Variants in DCT observed in about 807,000 individuals in gnomAD.
DCT encodes L-dopachrome tautomerase.
DCT carries 47 observed loss-of-function variants against 53.0 expected under a neutral mutation model. The ratio of observed to expected loss-of-function variants is 0.89; its 90% CI spans 0.70 to 1.13. The LOEUF (loss-of-function observed/expected upper bound fraction) is 1.13. Ranked by LOEUF, DCT falls within the 50% of genes most tolerant of loss-of-function variation. The pLI, the probability that DCT is intolerant of heterozygous loss-of-function variation, is 0.00. For missense variants in DCT, 669 were observed against 637.4 expected, an observed-to-expected ratio of 1.05 and a Z score of -0.53; for synonymous variants, 244 against 237.0, an observed-to-expected ratio of 1.03 and a Z score of -0.27.
the DCT span, among the ~76,000 whole-genome samples, chr13:94,518,479 C>T: frequency 6.6e-6 from 1 of 152,228 alleles, no homozygotes; most frequent in Non-Finnish European, 1.5e-5. Flanking sequence ...GGCCCTAATA[C>T]TGTCCAGTTA....
chr13:94,516,725 C>A, the DCT span, among the ~76,000 whole-genome samples: 1 of 152,112 alleles, frequency 6.6e-6, no homozygotes, highest in African/African-American at 2.4e-5. Context: ...AGTCCACCCC[C>A]CCTCACCATG....
At chr13:94,491,088 G>T in the DCT span, among the ~76,000 whole-genome samples, 1 of 152,126 alleles carries the variant, frequency 6.6e-6, no homozygotes, top group African/African-American at 2.4e-5. Context: ...CAGTGAACAA[G>T]AAAAGTCAGG....
chr13:94,450,439 C>T (rs762713496), intron 6 of DCT, among the ~76,000 whole-genome samples: 2 of 152,140 alleles, frequency 1.3e-5, no homozygotes, highest in Admixed American at 6.5e-5. Flanking sequence ...GCAGGCAAAA[C>T]AGAGAGTATT....
chr13:94,488,329 T>A, the DCT span, among the ~76,000 whole-genome samples: 1 of 151,992 alleles, frequency 6.6e-6, no homozygotes, highest in Non-Finnish European at 1.5e-5. Context: ...GCTGAAAAAA[T>A]ATATATATTT....
the DCT span, among the ~76,000 whole-genome samples, chr13:94,494,050 A>G: frequency 0.043 from 6,523 of 152,334 alleles, 182 homozygotes; most frequent in South Asian, 0.1. Context: ...GCCAAAAGCT[A>G]TAAAATTAGG....
At chr13:94,471,861 G>A (rs1246493705) in intron 1 of DCT, among the ~76,000 whole-genome samples, 6 of 152,186 alleles carry the variant, frequency 3.9e-5, no homozygotes, top group African/African-American at 1.2e-4. Flanking sequence ...TAATAATGTC[G>A]GTAGAGGTTC....
the DCT span, among the ~76,000 whole-genome samples, chr13:94,506,538 A>G: frequency 1.3e-5 from 2 of 152,222 alleles, no homozygotes; most frequent in Non-Finnish European, 2.9e-5. Context: ...TTATATAAAT[A>G]AACACATAAA....
At chr13:94,522,635 C>A in the DCT span, among the ~76,000 whole-genome samples, 152 of 152,252 alleles carry the variant, frequency 1.0e-3, no homozygotes, top group African/African-American at 3.6e-3. Context: ...AAAAGTGAGA[C>A]GTAGTCCCAA....
intron 2 of DCT, chr13:94,468,322 G>A (rs542659152): frequency 2.7e-4 from 48 of 177,272 alleles, no homozygotes; most frequent in Non-Finnish European, 3.4e-4. Context: ...CTCTAATTCC[G>A]CACAAAGAAG....
At chr13:94,547,585 C>T in the DCT span, among the ~76,000 whole-genome samples, 1 of 152,048 alleles carries the variant, frequency 6.6e-6, no homozygotes, top group East Asian at 1.9e-4. Flanking sequence ...GCAGAGTGCT[C>T]AGACCTCAGG....
At chr13:94,517,845 T>A in the DCT span, among the ~76,000 whole-genome samples, 54,773 of 151,800 alleles carry the variant, frequency 0.36, 10,284 homozygotes, top group East Asian at 0.61. Context: ...AAAAATTTTT[T>A]AAAGAATGCT....
chr13:94,531,319 G>A, the DCT span, among the ~76,000 whole-genome samples: 2 of 152,142 alleles, frequency 1.3e-5, no homozygotes, highest in Non-Finnish European at 1.5e-5. Context: ...CCAAAAAAGA[G>A]CCCACAATGC....
the DCT span, among the ~76,000 whole-genome samples, chr13:94,512,655 C>A: frequency 6.6e-6 from 1 of 152,070 alleles, no homozygotes; most frequent in Non-Finnish European, 1.5e-5. Context: ...CCTGTTAGTT[C>A]ATCAATTCAA....
the DCT span, among the ~76,000 whole-genome samples, chr13:94,511,460 A>G: frequency 6.6e-6 from 1 of 151,130 alleles, no homozygotes; most frequent in Non-Finnish European, 1.5e-5. Flanking sequence ...CCTGGGTCCA[A>G]GTGATTCTTG....
At chr13:94,452,740 C>T (rs1883178738) in intron 6 of DCT, 1 of 631,932 alleles carries the variant, frequency 1.6e-6, no homozygotes, top group Non-Finnish European at 2.8e-6. Context: ...TAAATCCATG[C>T]AAAAGAATAC....
chr13:94,491,602 T>C, the DCT span, among the ~76,000 whole-genome samples: 9 of 152,190 alleles, frequency 5.9e-5, no homozygotes, highest in African/African-American at 2.2e-4. Flanking sequence ...ATTCTCTTTT[T>C]ACAACCAAGT....
At chr13:94,451,447 A>G (rs1233718880) in intron 6 of DCT, among the ~76,000 whole-genome samples, 4 of 152,230 alleles carry the variant, frequency 2.6e-5, no homozygotes, top group African/African-American at 9.6e-5. Flanking sequence ...TAGTTGAAAG[A>G]TTGAACACGG....
chr13:94,473,898 C>G (rs1421728458), intron 1 of DCT, among the ~76,000 whole-genome samples: 1 of 152,188 alleles, frequency 6.6e-6, no homozygotes, highest in African/African-American at 2.4e-5. Context: ...AGTCAGGTCC[C>G]TTTCATTTCT....
At chr13:94,441,266 A>T (rs1234955997) in intron 7 of DCT, among the ~76,000 whole-genome samples, 1 of 152,128 alleles carries the variant, frequency 6.6e-6, no homozygotes, top group Non-Finnish European at 1.5e-5. Context: ...TTATTCTGCC[A>T]TTTCTTTGTT....
Sources: allele counts gnomAD v4.1 joint callset (sites outside exome capture counted in the v4.1 genomes callset), GRCh38; gene constraint gnomAD v4.1.1; transcripts MANE v1.5; gene names NCBI Gene and HGNC (gene_info 2026-07-23, HGNC 2026-07-21).